The following BMERB1 variants were observed in gnomAD, a reference collection of about 807,000 sequenced individuals.
BMERB1 encodes the protein bMERB domain-containing protein 1.
In BMERB1, 12 loss-of-function variants were observed where a neutral mutation model predicts 23.6. The observed-to-expected ratio is 0.51, with a 90% CI of 0.33 to 0.82. The LOEUF is 0.82. Among genes scored for constraint, BMERB1 ranks in the 40% least tolerant of loss-of-function variants. BMERB1 has a pLI of 0.03. For missense variants in BMERB1, 247 were observed against 255.4 expected, an observed-to-expected ratio of 0.97 and a Z score of 0.22; for synonymous variants, 122 against 96.6, an observed-to-expected ratio of 1.26 and a Z score of -1.54.
intron 2 of BMERB1, among the ~76,000 whole-genome samples, chr16:15,549,279 C>T (rs1300709257): frequency 6.9e-6 from 1 of 145,930 alleles, no homozygotes; most frequent in African/African-American, 2.6e-5. Flanking sequence ...GTGGAGGTTG[C>T]AGTAAGCCCA....
chr16:15,566,919 C>T (rs981273404), intron 2 of BMERB1, among the ~76,000 whole-genome samples: 6 of 152,016 alleles, frequency 3.9e-5, no homozygotes, highest in Admixed American at 2.0e-4. Context: ...TGCAGTGGCT[C>T]ATACCTATAT....
chr16:15,544,265 G>T (rs2052111812), intron 2 of BMERB1, among the ~76,000 whole-genome samples: 1 of 152,126 alleles, frequency 6.6e-6, no homozygotes. Flanking sequence ...TCATTAATGG[G>T]TTAAATAAAT....
intron 2 of BMERB1, among the ~76,000 whole-genome samples, chr16:15,554,193 C>T (rs1306090954): frequency 1.3e-5 from 2 of 152,204 alleles, no homozygotes; most frequent in Non-Finnish European, 2.9e-5. Flanking sequence ...CTTCCTTGAA[C>T]TCCAGTCACT....
chr16:15,545,962 CCAAAGAAGGTCTTCTTTGACAGAGGT>C (rs1248652601), intron 2 of BMERB1, among the ~76,000 whole-genome samples: 2 of 151,840 alleles, frequency 1.3e-5, no homozygotes, highest in African/African-American at 2.4e-5. Context: ...GGAATGGTGG[CCAAAGAAGGTCTTCTTTGACAGAGGT>C]CAAAGAAGAG....
At chr16:15,540,906 T>G (rs1383922331) in intron 2 of BMERB1, among the ~76,000 whole-genome samples, 1 of 152,166 alleles carries the variant, frequency 6.6e-6, no homozygotes, top group African/African-American at 2.4e-5. Flanking sequence ...ACACTAAGTC[T>G]CTGATTCTTG....
intron 3 of BMERB1, among the ~76,000 whole-genome samples, chr16:15,568,941 G>A (rs1214228044): frequency 4.6e-5 from 7 of 152,128 alleles, no homozygotes; most frequent in African/African-American, 1.7e-4. Context: ...CCCAGGCCAG[G>A]CATGGTGGCT....
At chr16:15,544,382 C>G (rs1294370607) in intron 2 of BMERB1, among the ~76,000 whole-genome samples, 2 of 152,078 alleles carry the variant, frequency 1.3e-5, no homozygotes, top group African/African-American at 4.8e-5. Flanking sequence ...TTCTCTGTGC[C>G]CATAATTTAG....
chr16:15,497,176 G>A (rs1449717735), intron 1 of BMERB1, among the ~76,000 whole-genome samples: 2 of 152,170 alleles, frequency 1.3e-5, no homozygotes, highest in African/African-American at 2.4e-5. Context: ...TGCTAAGGAA[G>A]GAGGCTTTAC....
chr16:15,530,498 T>A (rs2051956599), intron 2 of BMERB1, among the ~76,000 whole-genome samples: 2 of 152,188 alleles, frequency 1.3e-5, no homozygotes, highest in Non-Finnish European at 2.9e-5. Context: ...TTCCTTTAAT[T>A]CCTGGGCTCA....
intron 2 of BMERB1, among the ~76,000 whole-genome samples, chr16:15,518,221 A>C (rs2051798671): frequency 6.6e-6 from 1 of 152,198 alleles, no homozygotes; most frequent in Non-Finnish European, 1.5e-5. Context: ...GACAAATGTC[A>C]ACAGTAGACC....
At chr16:15,492,625 G>A (rs1232568011) in intron 1 of BMERB1, among the ~76,000 whole-genome samples, 1 of 152,134 alleles carries the variant, frequency 6.6e-6, no homozygotes, top group African/African-American at 2.4e-5. Flanking sequence ...GATGTGAAGT[G>A]ATGAGAATGG....
At position 15,434,768 on chromosome 16, in the gene BMERB1, TGGGGCGGGGGGCGG is replaced by T; in HGVS notation, c.106+15_106+28del. On this transcript the variant is annotated intron_variant, in intron 1 of 5. Transcript: ENST00000300006. The stretch of plus-strand genomic sequence containing the variant: ...GGAGAGACTGGGGAGAAGTGAGTAC[TGGGGCGGGGGGCGG>T]GGGGCCGGGGACAGCTGGGGATCCA... 3.0e-5 allele frequency: 4 copies of T among 135,170 alleles called. No individual in the cohort carries two copies. Among genetic ancestry groups the T allele is most frequent in the Non-Finnish European group, 5.9e-5 (4 of 67,738 alleles). The allele number at this position is 135,170 out of a possible 1,614,324, so 8.4% of individuals were successfully genotyped here. A position where few individuals can be genotyped will look rare whatever the true frequency, so the allele number is the denominator to read the frequency against.
At chr16:15,520,477 C>CTTTTT (rs147757819) in intron 2 of BMERB1, among the ~76,000 whole-genome samples, 3 of 109,362 alleles carry the variant, frequency 2.7e-5, no homozygotes, top group African/African-American at 1.1e-4. Context: ...CATAGATGTT[C>CTTTTT]TTTTTTTTTT....
intron 1 of BMERB1, among the ~76,000 whole-genome samples, chr16:15,490,041 T>G (rs936403392): frequency 6.6e-6 from 1 of 152,076 alleles, no homozygotes; most frequent in Non-Finnish European, 1.5e-5. Flanking sequence ...ATTTTTTGTA[T>G]TTTTTGTAGA....
intron 1 of BMERB1, among the ~76,000 whole-genome samples, chr16:15,485,248 G>T (rs2051358095): frequency 2.6e-5 from 4 of 152,144 alleles, no homozygotes; most frequent in Admixed American, 2.6e-4. Context: ...CCTCCAAATT[G>T]CATTCAGAAA....
chr16:15,552,139 A>T (rs1056082414), intron 2 of BMERB1, among the ~76,000 whole-genome samples: 2 of 151,344 alleles, frequency 1.3e-5, no homozygotes, highest in African/African-American at 4.9e-5. Flanking sequence ...AGTCTGGGGG[A>T]AAAAAAATCA....
At position 15,442,930 on chromosome 16, in the gene BMERB1, T is replaced by C. The variant is rs78312185; in HGVS notation, c.106+8171T>C. 4.2e-3 allele frequency among the ~76,000 whole-genome samples: 637 copies of C among 152,156 alleles called. 11 individuals carry two copies. Among genetic ancestry groups the C allele is most frequent in the East Asian group, 0.039 (203 of 5,186 alleles). On this transcript the variant is annotated intron_variant, in intron 1 of 5. Transcript: ENST00000300006. ...CTTCACTCTTAAAAGGTTTACAGAT[T>C]TGGAGTGAGAGACACAGCCATAAAG...
intron 2 of BMERB1, among the ~76,000 whole-genome samples, chr16:15,541,675 C>A (rs1318200588): frequency 6.7e-6 from 1 of 148,848 alleles, no homozygotes; most frequent in African/African-American, 2.5e-5. Flanking sequence ...GATCTTGGCT[C>A]ACTGCAAGCT....
At chr16:15,479,972 C>T (rs2051305290) in intron 1 of BMERB1, among the ~76,000 whole-genome samples, 1 of 147,450 alleles carries the variant, frequency 6.8e-6, no homozygotes, top group African/African-American at 2.5e-5. Flanking sequence ...TCTAAAATTT[C>T]TCAGTTTCAA....
Sources: allele counts gnomAD v4.1 joint callset (sites outside exome capture counted in the v4.1 genomes callset), GRCh38; gene constraint gnomAD v4.1.1; transcripts MANE v1.5; gene names NCBI Gene and HGNC (gene_info 2026-07-23, HGNC 2026-07-21).